CEP128: variants seen among roughly 807,000 people sequenced by gnomAD.
The protein encoded by CEP128 is centrosomal protein 128.
In CEP128, 132 loss-of-function variants were observed where a neutral mutation model predicts 156.7. The ratio of observed to expected loss-of-function variants is 0.84; its 90% CI spans 0.73 to 0.97. CEP128 has a LOEUF of 0.97. Ranked by LOEUF, CEP128 falls within the 50% of genes least tolerant of loss-of-function variation. CEP128 has a pLI of 0.00. For synonymous variants in CEP128, 469 were observed against 448.9 expected, an observed-to-expected ratio of 1.04 and a Z score of -0.57; for missense variants, 1,252 against 1,281.9, an observed-to-expected ratio of 0.98 and a Z score of 0.36.
chr14:80,492,741 C>A (rs969980956), downstream of CEP128, among the ~76,000 whole-genome samples: 3 of 151,862 alleles, frequency 2.0e-5, no homozygotes, highest in African/African-American at 7.3e-5. Context: ...AAGAAAAAAA[C>A]AAAAGGAAAC....
chr14:80,576,201 T>C (rs1422387197), intron 20 of CEP128, among the ~76,000 whole-genome samples: 1 of 152,164 alleles, frequency 6.6e-6, no homozygotes, highest in Admixed American at 6.5e-5. Flanking sequence ...AGTCACTGAA[T>C]GCAATTCAAC....
At chr14:80,864,925 A>T (rs1049419699) in intron 8 of CEP128, among the ~76,000 whole-genome samples, 2 of 152,202 alleles carry the variant, frequency 1.3e-5, no homozygotes, top group African/African-American at 4.8e-5. Context: ...ATACATTGTG[A>T]AATAACTAGT....
chr14:80,664,825 A>T (rs1420229802), intron 19 of CEP128, among the ~76,000 whole-genome samples: 1 of 152,222 alleles, frequency 6.6e-6, no homozygotes, highest in Non-Finnish European at 1.5e-5. Flanking sequence ...ACCAATGAGC[A>T]AACACTTCTG....
chr14:80,833,317 T>C (rs1424908567), intron 12 of CEP128, among the ~76,000 whole-genome samples: 1 of 151,708 alleles, frequency 6.6e-6, no homozygotes, highest in Non-Finnish European at 1.5e-5. Flanking sequence ...CATATATGTA[T>C]ACTTTATGAA....
At chr14:80,728,724 A>C (rs28452095) in intron 19 of CEP128, among the ~76,000 whole-genome samples, 1 of 152,238 alleles carries the variant, frequency 6.6e-6, no homozygotes, top group Admixed American at 6.5e-5. Context: ...CTCTTAATAG[A>C]TTATGTCTCT....
chr14:80,912,460 A>G (rs1884295805), intron 4 of CEP128, among the ~76,000 whole-genome samples: 2 of 152,134 alleles, frequency 1.3e-5, no homozygotes, highest in Non-Finnish European at 1.5e-5. Context: ...GTAGGACTAT[A>G]CTCTACTAAT....
chr14:80,555,006 G>T (rs1401099821), intron 21 of CEP128, among the ~76,000 whole-genome samples: 1 of 151,990 alleles, frequency 6.6e-6, no homozygotes, highest in Non-Finnish European at 1.5e-5. Flanking sequence ...CATTTGGGAA[G>T]GACCTATTTA....
At chr14:80,852,293 C>T (rs1023281505) in intron 9 of CEP128, among the ~76,000 whole-genome samples, 6 of 151,322 alleles carry the variant, frequency 4.0e-5, no homozygotes, top group Admixed American at 6.6e-5. Flanking sequence ...TCTGAAAATA[C>T]CAAAAGACAT....
At chr14:80,678,946 T>A (rs986667487) in intron 19 of CEP128, among the ~76,000 whole-genome samples, 3 of 152,194 alleles carry the variant, frequency 2.0e-5, no homozygotes, top group African/African-American at 7.2e-5. Context: ...CCAAAATTAA[T>A]ACTTTTATAA....
chr14:80,897,456 CAGCTGA>C (rs918712280), intron 7 of CEP128, among the ~76,000 whole-genome samples: 11 of 152,106 alleles, frequency 7.2e-5, no homozygotes, highest in Non-Finnish European at 1.2e-4. Flanking sequence ...AGTAAATATC[CAGCTGA>C]ATATTTTACT....
intron 23 of CEP128, among the ~76,000 whole-genome samples, chr14:80,512,938 G>C (rs1469038435): frequency 6.6e-6 from 1 of 151,964 alleles, no homozygotes; most frequent in Non-Finnish European, 1.5e-5. Context: ...GTCCTGAAAA[G>C]ATGTATTTGT....
intron 19 of CEP128, among the ~76,000 whole-genome samples, chr14:80,739,075 G>A (rs970796773): frequency 2.0e-5 from 3 of 152,192 alleles, no homozygotes; most frequent in Non-Finnish European, 4.4e-5. Flanking sequence ...GTTTTACATT[G>A]CAAATCCAGT....
chr14:80,564,800 T>C (rs1053086326), intron 20 of CEP128, among the ~76,000 whole-genome samples: 1 of 152,192 alleles, frequency 6.6e-6, no homozygotes, highest in Non-Finnish European at 1.5e-5. Context: ...GGCTCACGCC[T>C]GTAATTCCAG....
intron 19 of CEP128, among the ~76,000 whole-genome samples, chr14:80,625,407 C>T (rs770398607): frequency 6.6e-6 from 1 of 152,060 alleles, no homozygotes; most frequent in Non-Finnish European, 1.5e-5. Flanking sequence ...GTTCTTCTTG[C>T]TCAGTAATGC....
At chr14:80,679,772 CCT>C (rs71103877) in intron 19 of CEP128, among the ~76,000 whole-genome samples, 17,885 of 152,040 alleles carry the variant, frequency 0.12, 1,501 homozygotes, top group East Asian at 0.43. Flanking sequence ...TGAACTACTC[CCT>C]GTTTACACCC....
At position 80,844,369 on chromosome 14, in the gene CEP128, G is replaced by A. The variant is rs200610269; in HGVS notation, c.763-3601C>T. Among the ~76,000 whole-genome samples, 68 of 151,856 alleles carry A rather than the reference G, an allele frequency of 4.5e-4. No homozygotes were observed. The East Asian group carries it at 0.01, about 23-fold the overall frequency. On this transcript the variant is annotated intron_variant, in intron 9 of 24. Coordinates refer to ENST00000555265, the MANE Select transcript of CEP128 (RefSeq NM_152446.5). The stretch of plus-strand genomic sequence containing the variant: ...TAAAAAATAAAAAATAAAACAAACC[G>A]CACACACCACACACTTTGGTAGGTG...
chr14:80,561,894 G>T (rs1054134766), intron 20 of CEP128, among the ~76,000 whole-genome samples: 24 of 80,508 alleles, frequency 3.0e-4, no homozygotes, highest in Non-Finnish European at 5.4e-4. Context: ...AAATACGAAG[G>T]TCTATATATA....
At chr14:80,806,059 A>C (rs899119932) in intron 13 of CEP128, among the ~76,000 whole-genome samples, 6 of 152,182 alleles carry the variant, frequency 3.9e-5, no homozygotes, top group African/African-American at 1.4e-4. Context: ...TATTCCTTTA[A>C]AATATAGCCT....
intron 19 of CEP128, among the ~76,000 whole-genome samples, chr14:80,603,447 G>T (rs1892657708): frequency 6.6e-6 from 1 of 152,144 alleles, no homozygotes; most frequent in African/African-American, 2.4e-5. Context: ...CCTTGTGAAT[G>T]AATACACTAA....
Sources: allele counts gnomAD v4.1 joint callset (sites outside exome capture counted in the v4.1 genomes callset), GRCh38; gene constraint gnomAD v4.1.1; transcripts MANE v1.5; gene names NCBI Gene and HGNC (gene_info 2026-07-23, HGNC 2026-07-21).